The following MAP2K6 variants were observed in gnomAD, a reference collection of about 807,000 sequenced individuals.
MAP2K6 encodes mitogen-activated protein kinase kinase 6, also known as dual specificity mitogen-activated protein kinase kinase 6.
MAP2K6 carries 16 observed loss-of-function variants against 53.7 expected under a neutral mutation model. The observed-to-expected ratio is 0.30, with a 90% CI of 0.20 to 0.45. MAP2K6 has a LOEUF of 0.45. Among genes scored for constraint, MAP2K6 ranks in the 20% least tolerant of loss-of-function variants. The pLI is 1.00. For missense variants in MAP2K6, 204 were observed against 411.9 expected (o/e 0.50, Z 4.37); for synonymous variants, 132 against 143.1 (o/e 0.92, Z 0.55).
intron 10 of MAP2K6, 128 bp downstream of exon 10, chr17:69,526,837 C>T (rs1469162685): frequency 8.9e-7 from 1 of 1,124,830 alleles, no homozygotes; most frequent in Non-Finnish European, 1.2e-6. Context: ...TATGCCCTCT[C>T]TGCTGGAGAA....
intron 1 of MAP2K6, among the ~76,000 whole-genome samples, chr17:69,482,158 G>T (rs1429384126): frequency 2.0e-5 from 3 of 152,078 alleles, no homozygotes; most frequent in Non-Finnish European, 4.4e-5. Context: ...CAAGTTTCTG[G>T]TTAGCATCAG....
At chr17:69,468,408 G>T (rs1446220644) in intron 1 of MAP2K6, among the ~76,000 whole-genome samples, 1 of 152,178 alleles carries the variant, frequency 6.6e-6, no homozygotes, top group African/African-American at 2.4e-5. Flanking sequence ...CTCTTTTCAG[G>T]CTGGGATAAC....
At chr17:69,449,169 A>G (rs1193876582) in intron 1 of MAP2K6, among the ~76,000 whole-genome samples, 1 of 152,226 alleles carries the variant, frequency 6.6e-6, no homozygotes, top group African/African-American at 2.4e-5. Context: ...TCTTAGGCAA[A>G]TTACTTAACA....
Position 69,441,076 on chromosome 17 carries a change from G to C in MAP2K6, c.16+26076G>C, listed in dbSNP as rs894592653. 2.0e-5 allele frequency among the ~76,000 whole-genome samples: 3 copies of C among 152,196 alleles called. No homozygotes were observed. In the East Asian group the frequency reaches 5.8e-4, roughly 29 times the overall value. ...TACATTCGTGTGTTATGTGACTATA[G>C]GTATAGTAAACATATGGCATTATAC... On this transcript the variant is annotated intron_variant, in intron 1 of 11. Transcript: ENST00000590474.
chr17:69,466,098 C>A (rs371877754), intron 1 of MAP2K6, among the ~76,000 whole-genome samples: 2 of 122,550 alleles, frequency 1.6e-5, no homozygotes, highest in Admixed American at 8.8e-5. Context: ...CATGATGAGA[C>A]CCCATCAGTA....
intron 2 of MAP2K6, among the ~76,000 whole-genome samples, chr17:69,508,720 C>T (rs1424050500): frequency 5.9e-5 from 9 of 152,242 alleles, no homozygotes. Flanking sequence ...AGTCCTAGAT[C>T]TGTCTAGAAG....
intron 1 of MAP2K6, among the ~76,000 whole-genome samples, chr17:69,490,077 C>T (rs1308022966): frequency 6.6e-6 from 1 of 152,252 alleles, no homozygotes; most frequent in East Asian, 1.9e-4. Context: ...ATTATTTTGG[C>T]CGCGGTTTCT....
At chr17:69,449,662 G>C (rs1374962240) in intron 1 of MAP2K6, among the ~76,000 whole-genome samples, 6 of 119,030 alleles carry the variant, frequency 5.0e-5, no homozygotes, top group African/African-American at 1.6e-4. Context: ...GCCCAGGCTA[G>C]AGTGCAGTGG....
intron 1 of MAP2K6, among the ~76,000 whole-genome samples, chr17:69,436,114 T>C (rs779845058): frequency 1.4e-4 from 21 of 152,162 alleles, no homozygotes; most frequent in Non-Finnish European, 2.2e-4. Context: ...TTCTCTGTCC[T>C]CTGTAGAGAT....
intron 2 of MAP2K6, among the ~76,000 whole-genome samples, chr17:69,512,125 G>A (rs530591346): frequency 3.9e-5 from 6 of 152,102 alleles, no homozygotes; most frequent in Admixed American, 3.9e-4. Context: ...TTATCACACA[G>A]CTTCTCGGTG....
intron 1 of MAP2K6, among the ~76,000 whole-genome samples, chr17:69,475,379 A>G (rs1325232256): frequency 6.6e-6 from 1 of 152,036 alleles, no homozygotes; most frequent in Non-Finnish European, 1.5e-5. Context: ...CGTGTTAGCC[A>G]AGATGGTCTC....
chr17:69,442,676 A>C (rs1308636901), intron 1 of MAP2K6, among the ~76,000 whole-genome samples: 1 of 152,206 alleles, frequency 6.6e-6, no homozygotes, highest in Non-Finnish European at 1.5e-5. Context: ...AGACAAACCT[A>C]GTTCCCTTTG....
intron 1 of MAP2K6, among the ~76,000 whole-genome samples, chr17:69,425,790 A>G (rs563836578): frequency 6.6e-6 from 1 of 152,284 alleles, no homozygotes; most frequent in East Asian, 1.9e-4. Context: ...ATGGGATGAG[A>G]GGAGATAGCT....
At chr17:69,476,604 A>G (rs1055293042) in intron 1 of MAP2K6, among the ~76,000 whole-genome samples, 1 of 152,200 alleles carries the variant, frequency 6.6e-6, no homozygotes, top group African/African-American at 2.4e-5. Flanking sequence ...AGGCATTCTT[A>G]TGTTCTCAAA....
At position 69,459,709 on chromosome 17, in the gene MAP2K6, C is replaced by CAAA. The variant is rs71144694; in HGVS notation, c.16+44733_16+44735dup. Among the ~76,000 whole-genome samples the CAAA allele has an allele frequency of 7.2e-4, 40 of 55,914 alleles. 1 individual carries two copies. The highest frequency in any genetic ancestry group is 3.8e-3 in the South Asian group (3 of 792). The allele number at this position is 55,914 out of a possible 152,430, so 36.7% of individuals were successfully genotyped here. A position where few individuals can be genotyped will look rare whatever the true frequency, so the allele number is the denominator to read the frequency against. ...CCCGGGCAACAGCAAGACTCTGTCT[C>CAAA]AAAAAAAAAAAAAAAAAAAAAAAAA... On this transcript the variant is annotated intron_variant, in intron 1 of 11. Coordinates refer to ENST00000590474, the MANE Select transcript of MAP2K6 (RefSeq NM_002758.4).
chr17:69,430,440 G>T (rs939579237), intron 1 of MAP2K6, among the ~76,000 whole-genome samples: 2 of 152,216 alleles, frequency 1.3e-5, no homozygotes, highest in Non-Finnish European at 2.9e-5. Flanking sequence ...AGGCAATCAT[G>T]TGAGCTTTTA....
chr17:69,526,438 GC>G (rs1195393774), intron 9 of MAP2K6, 131 bp from the exon 10 acceptor site: 9 of 886,254 alleles, frequency 1.0e-5, no homozygotes, highest in Non-Finnish European at 1.0e-5. Context: ...TTTATTTCCT[GC>G]CCCCCTACCC....
chr17:69,425,751 T>G (rs1249695663), intron 1 of MAP2K6, among the ~76,000 whole-genome samples: 1 of 152,206 alleles, frequency 6.6e-6, no homozygotes, highest in Non-Finnish European at 1.5e-5. Context: ...ATTTATTCCC[T>G]TCCTTTATTC....
At chr17:69,525,398 A>G (rs766265400) in intron 9 of MAP2K6, among the ~76,000 whole-genome samples, 2 of 152,216 alleles carry the variant, frequency 1.3e-5, no homozygotes, top group African/African-American at 4.8e-5. Flanking sequence ...GACATAGACT[A>G]TGCTTCCCAG....
Sources: allele counts gnomAD v4.1 joint callset (sites outside exome capture counted in the v4.1 genomes callset), GRCh38; gene constraint gnomAD v4.1.1; transcripts MANE v1.5; gene names NCBI Gene and HGNC (gene_info 2026-07-23, HGNC 2026-07-21).